The following KALRN variants were observed in gnomAD, a reference collection of about 807,000 sequenced individuals.
KALRN encodes kalirin.
Under a neutral mutation model 353.7 loss-of-function variants are expected in KALRN, and 70 were observed. That is an observed-to-expected ratio of 0.20 (90% CI 0.16 to 0.24). The LOEUF (loss-of-function observed/expected upper bound fraction) is 0.24. Among genes scored for constraint, KALRN ranks in the 10% least tolerant of loss-of-function variants. The pLI is 1.00. For missense variants in KALRN, 2,791 were observed against 3,756.7 expected (o/e 0.74, Z 6.72); for synonymous variants, 1,391 against 1,434.8 (o/e 0.97, Z 0.69).
intron 37 of KALRN, among the ~76,000 whole-genome samples, chr3:124,638,512 C>T (rs912662157): frequency 6.6e-6 from 1 of 152,210 alleles, no homozygotes; most frequent in Non-Finnish European, 1.5e-5. Flanking sequence ...TCCCTCTCCA[C>T]ACCAACCTAT....
intron 34 of KALRN, among the ~76,000 whole-genome samples, chr3:124,577,370 G>C (rs948765567): frequency 6.6e-6 from 1 of 152,130 alleles, no homozygotes; most frequent in African/African-American, 2.4e-5. Context: ...CTCAGTAATG[G>C]TTCAGTCATT....
intron 10 of KALRN, among the ~76,000 whole-genome samples, chr3:124,376,777 G>GTGACTATT (rs2086648576): frequency 6.6e-6 from 1 of 152,190 alleles, no homozygotes; most frequent in Admixed American, 6.6e-5. Context: ...TTTGGGTTGA[G>GTGACTATT]TGACTATTGA....
chr3:124,118,252 C>T (rs1163344010), intron 1 of KALRN, among the ~76,000 whole-genome samples: 1 of 151,910 alleles, frequency 6.6e-6, no homozygotes, highest in Non-Finnish European at 1.5e-5. Flanking sequence ...AGCTGGGGGA[C>T]AGGACAGAGG....
intron 17 of KALRN, among the ~76,000 whole-genome samples, chr3:124,437,476 G>C (rs1349530583): frequency 2.0e-5 from 3 of 152,086 alleles, no homozygotes; most frequent in Non-Finnish European, 4.4e-5. Context: ...GATCACTTGA[G>C]GTCAGGGGTT....
Position 124,673,379 on chromosome 3 carries a change from G to A in KALRN, c.6943-985G>A, listed in dbSNP as rs1410831983. Among the ~76,000 whole-genome samples, 12 of 124,928 alleles carry A rather than the reference G, an allele frequency of 9.6e-5. No homozygotes were observed. The South Asian group carries it at 1.7e-3, about 17-fold the overall frequency. The allele number at this position is 124,928 out of a possible 152,430, so 82.0% of individuals were successfully genotyped here. ...CTAGCCTAGGTGACATAGCAAGACC[G>A]TGTCTCAAAAACAAACAAAAAGTAT... is the stretch of plus-strand genomic sequence containing the variant. On this transcript the variant is annotated intron_variant, in intron 48 of 59. Transcript: ENST00000682506.
At chr3:124,318,907 T>C (rs2079059630) in intron 6 of KALRN, among the ~76,000 whole-genome samples, 1 of 152,184 alleles carries the variant, frequency 6.6e-6, no homozygotes, top group Admixed American at 6.5e-5. Context: ...AAGCAATGGC[T>C]GGGTTCCTTT....
Position 124,413,545 on chromosome 3 carries a change from C to G in KALRN, c.2422C>G (p.Leu808Val), listed in dbSNP as rs762761398. The change falls in exon 14 of 60, where the codon CTG (leucine) becomes GTG (valine). Residue 808 changes from leucine to valine, a missense_variant. This residue lies in a region of KALRN where 452 missense variants were observed against 575.8 expected (regional missense o/e 0.78). Transcript: ENST00000682506. ...TGACTTCAACACAGAGGACCTAACC[C>G]TGGCAGAACAGCGGCTGCAGCGCCA... The part of the protein sequence containing the change: ...MNDFNTEDLT[L>V]AEQRLQRHTE... The G allele has an allele frequency of 1.9e-6, 3 of 1,614,148 alleles. No individual in the cohort carries two copies. Among genetic ancestry groups the G allele is most frequent in the East Asian group, 4.5e-5 (2 of 44,868 alleles).
intron 10 of KALRN, among the ~76,000 whole-genome samples, chr3:124,368,498 T>C (rs1165334361): frequency 6.8e-6 from 1 of 147,362 alleles, no homozygotes; most frequent in East Asian, 2.1e-4. Flanking sequence ...ACTTCCTAGA[T>C]GTGATGGTGG....
intron 41 of KALRN, 70 bp downstream of exon 41, chr3:124,657,873 G>A (rs1667173693): frequency 6.0e-6 from 7 of 1,162,098 alleles, no homozygotes; most frequent in African/African-American, 1.5e-5. Context: ...TAAAATCCTG[G>A]CCAGGCACAG....
chr3:124,120,438 G>A (rs2063865816), intron 1 of KALRN, among the ~76,000 whole-genome samples: 1 of 152,166 alleles, frequency 6.6e-6, no homozygotes, highest in African/African-American at 2.4e-5. Context: ...CAGAGAGAAA[G>A]CTTAGCGAGC....
chr3:124,609,854 A>G (rs1250711970), intron 34 of KALRN, among the ~76,000 whole-genome samples: 1 of 152,234 alleles, frequency 6.6e-6, no homozygotes, highest in Admixed American at 6.5e-5. Flanking sequence ...CTCATTTTAT[A>G]GATGAGTAAA....
chr3:124,391,131 T>C (rs942373198), intron 11 of KALRN, among the ~76,000 whole-genome samples: 8 of 152,140 alleles, frequency 5.3e-5, no homozygotes, highest in African/African-American at 7.2e-5. Context: ...TACATGTATA[T>C]ATCAGCATGG....
At position 124,658,451 on chromosome 3, in the gene KALRN, C is replaced by T. The variant is rs116515655; in HGVS notation, c.6057C>T (p.Tyr2019=). 3,780 of 1,613,606 alleles carry T rather than the reference C, an allele frequency of 2.3e-3. 75 individuals are homozygous for T. The African/African-American group carries it at 0.043, about 18-fold the overall frequency. The change falls in exon 42 of 60, where the codon TAC becomes TAT. Residue 2019 remains tyrosine (Y), a synonymous_variant. Coordinates refer to ENST00000682506, the MANE Select transcript of KALRN (RefSeq NM_001388419.1). ...FIKHERKLHI[Y]VWYCQNKPRS... ...TTCAGGAGCGGAAGCTGCACATCTACGTGTGGTATTGTCAGAATAAGCCGC... is the reference window on the plus strand; with the variant it reads ...TTCAGGAGCGGAAGCTGCACATCTATGTGTGGTATTGTCAGAATAAGCCGC...
chr3:124,414,069 G>A (rs764363468), intron 14 of KALRN, among the ~76,000 whole-genome samples: 5 of 151,936 alleles, frequency 3.3e-5, no homozygotes, highest in Non-Finnish European at 7.4e-5. Flanking sequence ...CCATGCGACT[G>A]CACTCCAGCC....
chr3:124,036,579 C>T (rs1257601273), intron 1 of KALRN, among the ~76,000 whole-genome samples: 1 of 151,948 alleles, frequency 6.6e-6, no homozygotes, highest in East Asian at 1.9e-4. Context: ...TGTTTCTAAA[C>T]CTTCTCCCTT....
chr3:124,405,652 T>G lies in KALRN; in HGVS notation c.2346+6781T>G, dbSNP rs893006459. ...AGGACCTCAGGGTTTTTTTTTTTTT[T>G]TTTTTTTTTTTGACGGAGTCTCGCT... On this transcript the variant is annotated intron_variant, in intron 13 of 59. Coordinates refer to ENST00000682506, the MANE Select transcript of KALRN (RefSeq NM_001388419.1). 2.2e-3 allele frequency among the ~76,000 whole-genome samples: 320 copies of G among 145,542 alleles called. 2 individuals carry two copies. Among genetic ancestry groups the G allele is most frequent in the African/African-American group, 7.5e-3 (292 of 39,150 alleles).
chr3:124,294,078 C>G (rs1455007570), intron 5 of KALRN, among the ~76,000 whole-genome samples: 1 of 151,962 alleles, frequency 6.6e-6, no homozygotes, highest in Non-Finnish European at 1.5e-5. Flanking sequence ...GAGGAGCAGG[C>G]TAGATATTGA....
At position 124,422,871 on chromosome 3, in the gene KALRN, G is replaced by A. The variant is rs766432482; in HGVS notation, c.2602G>A (p.Glu868Lys). The part of the protein sequence containing the change: ...DLAAQVQELL[E>K]FLHEKQHELE... ...GGCAGCCCAGGTGCAAGAGTTATTG[G>A]AATTTCTCCATGAGAAGCAGCATGA... Residue 868 changes from glutamate (E) to lysine (K), a missense_variant, in exon 15 of 60, where the codon GAA (glutamate) becomes AAA (lysine). By Grantham distance (56) the Glu-to-Lys change is moderately conservative. Transcript: ENST00000682506. 1 of 1,613,900 alleles carries A rather than the reference G, an allele frequency of 6.2e-7. No individual in the cohort carries two copies. Among genetic ancestry groups the A allele is most frequent in the East Asian group, 2.2e-5 (1 of 44,874 alleles).
chr3:124,288,622 A>G (rs779781515), intron 5 of KALRN, among the ~76,000 whole-genome samples: 1 of 152,068 alleles, frequency 6.6e-6, no homozygotes, highest in Non-Finnish European at 1.5e-5. Flanking sequence ...TTTTCTTTTT[A>G]TTATTTTGAC....
Sources: allele counts gnomAD v4.1 joint callset (sites outside exome capture counted in the v4.1 genomes callset), GRCh38; gene constraint gnomAD v4.1.1; regional missense constraint gnomAD v4.1.1; transcripts MANE v1.5; gene names NCBI Gene and HGNC (gene_info 2026-07-23, HGNC 2026-07-21).